Variants in RASEF observed in about 807,000 individuals in gnomAD.
RASEF encodes RAS and EF-hand domain containing, also known as ras and EF-hand domain-containing protein.
In RASEF, 68 loss-of-function variants were observed where a neutral mutation model predicts 90.1. The ratio of observed to expected loss-of-function variants is 0.75; its 90% confidence interval spans 0.62 to 0.92. The LOEUF is 0.92. Among genes scored for constraint, RASEF ranks in the 40% least tolerant of loss-of-function variants. RASEF has a pLI of 0.00. For missense variants in RASEF, 949 were observed against 937.2 expected, an observed-to-expected ratio of 1.01 and a Z score of -0.16; for synonymous variants, 331 against 345.2, an observed-to-expected ratio of 0.96 and a Z score of 0.46.
chr9:82,992,895 C>A lies in RASEF; in HGVS notation c.2040+11G>T. On this transcript the variant is annotated intron_variant, in intron 15 of 16. Coordinates refer to ENST00000376447, the MANE Select transcript of RASEF (RefSeq NM_152573.4). The stretch of plus-strand genomic sequence containing the variant: ...TGTTCTCTTCTAATTCTGAGGCATC[C>A]TCACTCTTACCATGGCCAGTTTCTC... The A allele has an allele frequency of 1.2e-6, 2 of 1,613,006 alleles. No homozygotes were observed. The highest frequency in any genetic ancestry group is 1.7e-6 in the Non-Finnish European group (2 of 1,179,480).
chr9:82,985,515 T>C (rs1828695655), intron 16 of RASEF, among the ~76,000 whole-genome samples: 1 of 152,188 alleles, frequency 6.6e-6, no homozygotes, highest in Non-Finnish European at 1.5e-5. Context: ...TGATGGGCTA[T>C]CAGCCACATG....
In RASEF at chr9:83,049,867, G is replaced by A. The variant is rs377760050; in HGVS notation, c.431+12570C>T. On this transcript the variant is annotated intron_variant, in intron 1 of 16. Transcript: ENST00000376447. ...TCATCCATGTCCCTACAAAGGACAT[G>A]AACTCATCATTTTTTATGGCTGCAT... Among the ~76,000 whole-genome samples, 654 of 78,936 alleles carry A rather than the reference G, an allele frequency of 8.3e-3. 15 individuals carry two copies. The highest frequency in any genetic ancestry group is 0.037 in the African/African-American group (608 of 16,406). The allele number at this position is 78,936 out of a possible 152,430, so 51.8% of individuals were successfully genotyped here. A position where few individuals can be genotyped will look rare whatever the true frequency, so the allele number is the denominator to read the frequency against.
At chr9:82,997,157 G>C (rs1564071121) in intron 13 of RASEF, 31 bp from the exon 14 acceptor site, 1 of 1,332,000 alleles carries the variant, frequency 7.5e-7, no homozygotes, top group South Asian at 1.2e-5. Flanking sequence ...TCATCAGTCA[G>C]TTTGTGTTGC....
chr9:83,164,916 T>C, the RASEF span, among the ~76,000 whole-genome samples: 4 of 151,878 alleles, frequency 2.6e-5, no homozygotes, highest in East Asian at 1.9e-4. Context: ...TAAAAGGACA[T>C]TGCATAATGA....
the RASEF span, among the ~76,000 whole-genome samples, chr9:83,095,434 G>A: frequency 6.0e-5 from 9 of 149,808 alleles, no homozygotes; most frequent in Non-Finnish European, 1.2e-4. Context: ...GGGTGAAGCT[G>A]GATAGGCCCT....
upstream of RASEF, chr9:83,063,174 C>T (rs900852327): frequency 1.3e-5 from 5 of 371,074 alleles, no homozygotes; most frequent in African/African-American, 4.2e-5. Flanking sequence ...GCTCTCGCCA[C>T]TTTCCCGGCG....
At chr9:83,190,789 T>C in the RASEF span, among the ~76,000 whole-genome samples, 122 of 152,034 alleles carry the variant, frequency 8.0e-4, no homozygotes, top group African/African-American at 2.9e-3. Context: ...AAGCAATGAC[T>C]GGTGAAGAAA....
chr9:83,145,819 T>C, the RASEF span, among the ~76,000 whole-genome samples: 1 of 152,060 alleles, frequency 6.6e-6, no homozygotes, highest in African/African-American at 2.4e-5. Context: ...GATGTTTAAT[T>C]TCACAAATTT....
chr9:83,101,052 G>T, the RASEF span, among the ~76,000 whole-genome samples: 2 of 152,098 alleles, frequency 1.3e-5, no homozygotes, highest in Non-Finnish European at 2.9e-5. Flanking sequence ...AATCCAATGT[G>T]CAAACCCTTC....
Position 82,981,090 on chromosome 9 carries a change from G to C in RASEF, c.*1587C>G, listed in dbSNP as rs189574484. On this transcript the variant is annotated 3_prime_UTR_variant, in exon 17 of 17. Coordinates refer to ENST00000376447, the MANE Select transcript of RASEF (RefSeq NM_152573.4). The stretch of plus-strand genomic sequence containing the variant: ...AAAGATTGCTACATGGAATTGTTTC[G>C]ATTCAACAAAAATAAATGTTTTTAG... 2 of 152,236 alleles carry C rather than the reference G, an allele frequency of 1.3e-5. No homozygotes were observed. Among genetic ancestry groups the C allele is most frequent in the African/African-American group, 2.4e-5 (1 of 41,540 alleles). The allele number at this position is 152,236 out of a possible 1,614,324, so 9.4% of individuals were successfully genotyped here. A position where few individuals can be genotyped will look rare whatever the true frequency, so the allele number is the denominator to read the frequency against.
At chr9:83,093,190 A>C in the RASEF span, among the ~76,000 whole-genome samples, 1 of 152,164 alleles carries the variant, frequency 6.6e-6, no homozygotes, top group African/African-American at 2.4e-5. Flanking sequence ...GCTAGACATA[A>C]AGGTTCTCCA....
At chr9:83,176,915 C>T in the RASEF span, among the ~76,000 whole-genome samples, 4 of 152,058 alleles carry the variant, frequency 2.6e-5, no homozygotes, top group Non-Finnish European at 5.9e-5. Flanking sequence ...AAAGCAAGTA[C>T]GTATTCATAG....
At chr9:83,160,854 C>A in the RASEF span, among the ~76,000 whole-genome samples, 1 of 152,138 alleles carries the variant, frequency 6.6e-6, no homozygotes, top group African/African-American at 2.4e-5. Context: ...AGCTGTGACT[C>A]GAAGGGGCCC....
At chr9:82,985,102 C>A (rs1281533892) in intron 16 of RASEF, among the ~76,000 whole-genome samples, 1 of 152,160 alleles carries the variant, frequency 6.6e-6, no homozygotes, top group Non-Finnish European at 1.5e-5. Context: ...GATTATCATT[C>A]ATTTGGGAAA....
chr9:83,174,432 C>T, the RASEF span, among the ~76,000 whole-genome samples: 1 of 152,076 alleles, frequency 6.6e-6, no homozygotes, highest in Admixed American at 6.6e-5. Context: ...AATTAATACT[C>T]TTGTAAAGCA....
the RASEF span, among the ~76,000 whole-genome samples, chr9:83,121,664 C>T: frequency 4.6e-5 from 7 of 152,206 alleles, no homozygotes; most frequent in African/African-American, 1.7e-4. Context: ...CACTCTGATC[C>T]CTGCTCTGGC....
At chr9:83,039,278 T>C (rs1829796529) in intron 1 of RASEF, among the ~76,000 whole-genome samples, 1 of 152,178 alleles carries the variant, frequency 6.6e-6, no homozygotes, top group Non-Finnish European at 1.5e-5. Flanking sequence ...GTTCTGTGTA[T>C]TGAGTTTTCT....
intron 1 of RASEF, among the ~76,000 whole-genome samples, chr9:83,035,340 C>T (rs1829720607): frequency 6.6e-6 from 1 of 152,118 alleles, no homozygotes; most frequent in South Asian, 2.1e-4. Context: ...CACTAACAGG[C>T]AGAGGGATAG....
At chr9:83,021,371 A>C (rs1295257155) in intron 3 of RASEF, among the ~76,000 whole-genome samples, 1 of 152,178 alleles carries the variant, frequency 6.6e-6, no homozygotes, top group African/African-American at 2.4e-5. Context: ...TTTTGCTGCC[A>C]CTCAGTGTTA....
Sources: gnomAD v4.1 joint callset for allele counts (sites outside exome capture counted in the v4.1 genomes callset) on GRCh38, gnomAD v4.1.1 for gene constraint, MANE v1.5 for transcripts, NCBI Gene and HGNC (gene_info 2026-07-23, HGNC 2026-07-21) for gene names.